The following STK32B variants were observed in gnomAD, a reference collection of about 807,000 sequenced individuals.
The protein encoded by STK32B is serine/threonine-protein kinase 32B.
In STK32B, 43 loss-of-function variants were observed where a neutral mutation model predicts 52.6. The ratio of observed to expected loss-of-function variants is 0.82; its 90% CI spans 0.64 to 1.05. The LOEUF is 1.05. STK32B is among the 50% of genes least tolerant of loss of function. The pLI is 0.00. For missense variants in STK32B, 621 were observed against 534.6 expected, an observed-to-expected ratio of 1.16 and a Z score of -1.59; for synonymous variants, 238 against 204.3, an observed-to-expected ratio of 1.17 and a Z score of -1.41.
chr4:5,206,979 C>T (rs1305522438), intron 3 of STK32B, among the ~76,000 whole-genome samples: 1 of 152,218 alleles, frequency 6.6e-6, no homozygotes, highest in Non-Finnish European at 1.5e-5. Context: ...TTAGATGCTT[C>T]TGGGCTTTAT....
At chr4:5,194,794 C>G (rs1238256085) in intron 3 of STK32B, among the ~76,000 whole-genome samples, 4 of 152,116 alleles carry the variant, frequency 2.6e-5, no homozygotes. Flanking sequence ...TGGTAGAAGG[C>G]AAAGCGTTAC....
At chr4:5,444,145 G>T (rs1467669308) in intron 6 of STK32B, among the ~76,000 whole-genome samples, 2 of 152,032 alleles carry the variant, frequency 1.3e-5, no homozygotes, top group African/African-American at 2.4e-5. Flanking sequence ...GGAGCTTCCG[G>T]GCTGCTTTGT....
At chr4:5,222,468 G>T (rs1253379232) in intron 3 of STK32B, among the ~76,000 whole-genome samples, 2 of 152,128 alleles carry the variant, frequency 1.3e-5, no homozygotes, top group African/African-American at 4.8e-5. Context: ...TCAGAATGTG[G>T]GTAGAAATAT....
rs1199691723 is a variant in STK32B, at chr4:5,491,198, A to T, written c.1107-7747A>T. On this transcript the variant is annotated intron_variant, in intron 11 of 11. Transcript: ENST00000282908. ...AGTTTACAGTCCCACCAACAGTGTA[A>T]AAGTGTTCCTATTTCTCCACATCCT... Among the ~76,000 whole-genome samples the T allele has an allele frequency of 4.6e-5, 7 of 152,282 alleles. No individual in the cohort carries two copies. In the East Asian group the frequency reaches 1.4e-3, roughly 29 times the overall value.
chr4:5,128,345 G>A (rs1359838940), intron 1 of STK32B, among the ~76,000 whole-genome samples: 2 of 152,178 alleles, frequency 1.3e-5, no homozygotes, highest in African/African-American at 4.8e-5. Flanking sequence ...TCGAGGAATC[G>A]ATAGTTTAAT....
At chr4:5,429,888 C>T (rs901425102) in intron 6 of STK32B, among the ~76,000 whole-genome samples, 18 of 151,938 alleles carry the variant, frequency 1.2e-4, no homozygotes, top group Admixed American at 1.1e-3. Context: ...TCCTTAGTCA[C>T]TTAAATATTG....
intron 3 of STK32B, among the ~76,000 whole-genome samples, chr4:5,252,024 C>A (rs1258252662): frequency 6.6e-6 from 1 of 152,106 alleles, no homozygotes; most frequent in Non-Finnish European, 1.5e-5. Context: ...AGTTCATATT[C>A]CTTGAACTTT....
chr4:5,078,292 G>T (rs746067358), intron 1 of STK32B, among the ~76,000 whole-genome samples: 79 of 152,126 alleles, frequency 5.2e-4, no homozygotes, highest in Non-Finnish European at 1.0e-3. Context: ...GATCAACAAG[G>T]ATTCACTCTC....
intron 7 of STK32B, among the ~76,000 whole-genome samples, chr4:5,449,835 G>A (rs767450416): frequency 1.2e-4 from 18 of 152,146 alleles, no homozygotes; most frequent in Non-Finnish European, 2.2e-4. Context: ...CTGATGATCT[G>A]TCACTGTCTC....
intron 3 of STK32B, among the ~76,000 whole-genome samples, chr4:5,288,748 A>G (rs188946391): frequency 1.9e-3 from 296 of 152,302 alleles, no homozygotes; most frequent in African/African-American, 6.5e-3. Context: ...TTTTAATGAC[A>G]ACCAACTTTC....
chr4:5,308,586 C>G (rs904062240), intron 3 of STK32B, among the ~76,000 whole-genome samples: 3 of 152,164 alleles, frequency 2.0e-5, no homozygotes, highest in Admixed American at 6.5e-5. Context: ...TTCATTTAGT[C>G]ACTCATTCAT....
intron 5 of STK32B, among the ~76,000 whole-genome samples, chr4:5,409,743 C>T (rs1711515009): frequency 6.6e-6 from 1 of 152,058 alleles, no homozygotes; most frequent in Admixed American, 6.5e-5. Flanking sequence ...TGTTGCATTT[C>T]TTGTCACTGG....
intron 6 of STK32B, among the ~76,000 whole-genome samples, chr4:5,439,392 A>C (rs1288033785): frequency 1.3e-5 from 2 of 151,842 alleles, no homozygotes; most frequent in Non-Finnish European, 1.5e-5. Flanking sequence ...TTGGCTGCAT[A>C]AATGTCTTCT....
chr4:5,323,089 G>T (rs924216540), intron 3 of STK32B, among the ~76,000 whole-genome samples: 4 of 152,118 alleles, frequency 2.6e-5, no homozygotes, highest in Non-Finnish European at 5.9e-5. Context: ...TGAGCAGGGG[G>T]TCTGTGAAGA....
In STK32B at chr4:5,446,703, G is replaced by C. The variant is rs776507984; in HGVS notation, c.593G>C (p.Arg198Thr). 4 of 1,614,072 alleles carry C rather than the reference G, an allele frequency of 2.5e-6. No homozygotes were observed. Among genetic ancestry groups the C allele is most frequent in the Non-Finnish European group, 3.4e-6 (4 of 1,180,016 alleles). The change falls in exon 7 of 12, where the codon AGA becomes ACA. Residue 198 changes from arginine to threonine, a missense_variant. Coordinates refer to ENST00000282908, the MANE Select transcript of STK32B (RefSeq NM_018401.3). ...GAAGTATTCCAGGTGTACATGGACA[G>C]AGGCCCCGGATACTCGTACCCTGTC... is the stretch of plus-strand genomic sequence containing the variant. ...APEVFQVYMDRGPGYSYPVDW... is the reference protein window; with the variant it reads ...APEVFQVYMDTGPGYSYPVDW...
At chr4:5,474,443 A>T (rs1164921582) in intron 11 of STK32B, among the ~76,000 whole-genome samples, 2 of 152,248 alleles carry the variant, frequency 1.3e-5, no homozygotes, top group Non-Finnish European at 2.9e-5. Flanking sequence ...GGTCTGTGCC[A>T]TCTGCGAAGT....
At chr4:5,464,395 A>C (rs1199877509) in intron 9 of STK32B, among the ~76,000 whole-genome samples, 1 of 152,220 alleles carries the variant, frequency 6.6e-6, no homozygotes, top group Non-Finnish European at 1.5e-5. Context: ...CCTCTCCTGC[A>C]ACCCTCTGCA....
chr4:5,391,310 C>G (rs1470057325), intron 4 of STK32B, among the ~76,000 whole-genome samples: 1 of 152,138 alleles, frequency 6.6e-6, no homozygotes, highest in African/African-American at 2.4e-5. Flanking sequence ...AGGGCTCAGC[C>G]TAATCCAGGA....
the STK32B span, among the ~76,000 whole-genome samples, chr4:5,046,042 C>A: frequency 1.3e-5 from 2 of 152,208 alleles, no homozygotes; most frequent in South Asian, 2.1e-4. Flanking sequence ...TCAAAGAAGA[C>A]CCTGTATGGC....
Sources: gnomAD v4.1 joint callset for allele counts (sites outside exome capture counted in the v4.1 genomes callset) on GRCh38, gnomAD v4.1.1 for gene constraint, MANE v1.5 for transcripts, NCBI Gene and HGNC (gene_info 2026-07-23, HGNC 2026-07-21) for gene names.